Variants in THADA observed in about 807,000 individuals in gnomAD.
THADA encodes tRNA (32-2'-O)-methyltransferase regulator THADA.
Under a neutral mutation model 219.8 loss-of-function variants are expected in THADA, and 213 were observed. That is an observed-to-expected ratio of 0.97 (90% CI 0.87 to 1.09). The LOEUF (loss-of-function observed/expected upper bound fraction) is 1.09, where lower values mean the gene tolerates loss of function less well. Ranked by LOEUF, THADA falls within the 50% of genes least tolerant of loss-of-function variation. The probability of loss-of-function intolerance (pLI) is 0.00; values close to 1 mark genes in which losing one functional copy is unlikely to be tolerated. For synonymous variants in THADA, 1,018 were observed against 828.9 expected, an observed-to-expected ratio of 1.23 and a Z score of -3.92; for missense variants, 2,956 against 2,311.3, an observed-to-expected ratio of 1.28 and a Z score of -5.72.
chr2:43,592,134 T>C, intron 2 of THADA, 88 bp from the exon 3 acceptor site: 2 of 1,153,526 alleles, frequency 1.7e-6, no homozygotes, highest in Non-Finnish European at 2.4e-6. Flanking sequence ...ATTTTTTAAT[T>C]ATAAACCATA....
At chr2:43,291,827 A>T (rs1273604516) in intron 33 of THADA, 59 bp from the exon 34 acceptor site, 6 of 1,441,836 alleles carry the variant, frequency 4.2e-6, no homozygotes, top group Non-Finnish European at 5.7e-6. Flanking sequence ...TATTTCATAC[A>T]CCGGTTTTTG....
At chr2:43,484,116 T>C (rs1240129663) in intron 26 of THADA, among the ~76,000 whole-genome samples, 2 of 152,072 alleles carry the variant, frequency 1.3e-5, no homozygotes, top group African/African-American at 4.8e-5. Flanking sequence ...TAAAAAGCTC[T>C]CTGGTATTGC....
intron 26 of THADA, among the ~76,000 whole-genome samples, chr2:43,468,015 G>A (rs1345686445): frequency 6.6e-6 from 1 of 152,162 alleles, no homozygotes; most frequent in Non-Finnish European, 1.5e-5. Flanking sequence ...AAGGCCTAAA[G>A]CTTAATTGCA....
chr2:43,556,616 AG>A, intron 16 of THADA, 61 bp from the exon 17 acceptor site: 1 of 1,502,192 alleles, frequency 6.7e-7, no homozygotes, highest in African/African-American at 1.4e-5. Context: ...TTAAAAAAAT[AG>A]TAAATTTTTT....
chr2:43,586,743 G>GA lies in THADA; in HGVS notation c.452-10dup, dbSNP rs538392860. ...ATTAACACTTGCTCTACCTGTAGAG[G>GA]AAAAAATGAACACTGGTAAGGAGTT... On this transcript the variant is annotated splice_polypyrimidine_tract_variant and intron_variant, in intron 5 of 37. Coordinates refer to ENST00000405975, the MANE Select transcript of THADA (RefSeq NM_022065.5). The GA allele has an allele frequency of 5.0e-6, 8 of 1,611,648 alleles. No homozygotes were observed. In the South Asian group the frequency reaches 8.9e-5, roughly 18 times the overall value.
chr2:43,372,501 C>T (rs1670917385), intron 29 of THADA, among the ~76,000 whole-genome samples: 1 of 151,916 alleles, frequency 6.6e-6, no homozygotes, highest in Admixed American at 6.6e-5. Context: ...GGTGAAGTGG[C>T]CATTAAACTT....
intron 36 of THADA, among the ~76,000 whole-genome samples, chr2:43,252,376 A>G (rs1339967384): frequency 6.6e-6 from 1 of 152,246 alleles, no homozygotes; most frequent in Non-Finnish European, 1.5e-5. Flanking sequence ...GCGAACGTTT[A>G]GTGGGTACTT....
intron 28 of THADA, among the ~76,000 whole-genome samples, chr2:43,426,774 T>A (rs1678501794): frequency 6.6e-6 from 1 of 152,260 alleles, no homozygotes; most frequent in Admixed American, 6.5e-5. Context: ...TAAGAAATAC[T>A]CTCTTGAGTT....
chr2:43,252,461 CA>C (rs774663446), intron 36 of THADA, among the ~76,000 whole-genome samples: 11 of 152,250 alleles, frequency 7.2e-5, no homozygotes, highest in Admixed American at 1.3e-4. Flanking sequence ...TTATGAGCCC[CA>C]TTTTATAATG....
chr2:43,508,909 T>A, intron 22 of THADA, 129 bp from the exon 23 acceptor site: 2 of 840,068 alleles, frequency 2.4e-6, no homozygotes, highest in East Asian at 5.5e-5. Context: ...AACTAAAACA[T>A]GTCTCATACT....
intron 22 of THADA, 78 bp from the exon 23 acceptor site, chr2:43,508,858 T>TTA: frequency 7.3e-7 from 1 of 1,370,706 alleles, no homozygotes; most frequent in Non-Finnish European, 1.0e-6. Context: ...ACATTTACAC[T>TTA]GTTAGTAAAT....
chr2:43,528,304 T>C (rs1693434805), intron 21 of THADA, among the ~76,000 whole-genome samples: 1 of 152,092 alleles, frequency 6.6e-6, no homozygotes, highest in Admixed American at 6.6e-5. Context: ...CTAATTTTTG[T>C]ATTTTTAGTA....
intron 26 of THADA, among the ~76,000 whole-genome samples, chr2:43,459,414 C>T (rs1231499836): frequency 1.3e-5 from 2 of 152,128 alleles, no homozygotes; most frequent in East Asian, 1.9e-4. Flanking sequence ...TTCTTTCATA[C>T]ATTTGATTAA....
At chr2:43,445,282 A>G (rs576526086) in intron 26 of THADA, among the ~76,000 whole-genome samples, 25 of 152,352 alleles carry the variant, frequency 1.6e-4, no homozygotes, top group African/African-American at 5.8e-4. Flanking sequence ...AATAAAATAG[A>G]AACAACTAAT....
chr2:43,387,716 G>T (rs1223677811), intron 29 of THADA, among the ~76,000 whole-genome samples: 1 of 152,076 alleles, frequency 6.6e-6, no homozygotes, highest in Non-Finnish European at 1.5e-5. Flanking sequence ...TTTGGTTGTT[G>T]TTGTCACAAA....
intron 29 of THADA, among the ~76,000 whole-genome samples, chr2:43,351,029 G>A (rs931285741): frequency 1.3e-5 from 2 of 152,120 alleles, no homozygotes; most frequent in African/African-American, 4.8e-5. Context: ...TTCACTTTGG[G>A]CCTCAAATCC....
At chr2:43,453,044 G>A (rs904552287) in intron 26 of THADA, among the ~76,000 whole-genome samples, 1 of 152,036 alleles carries the variant, frequency 6.6e-6, no homozygotes, top group Non-Finnish European at 1.5e-5. Context: ...GTAAGTCTGT[G>A]AACACTCAGG....
rs531073946 is a variant in THADA at position 43,484,626 on chromosome 2, C to A, written c.3836+608G>T. On this transcript the variant is annotated intron_variant, in intron 26 of 37. Transcript: ENST00000405975. ...TGTGCATTTTTATCTAAAAACTACC[C>A]AAAATCAAAATGGTTCCACAGGTTT... Among the ~76,000 whole-genome samples the A allele has an allele frequency of 6.6e-5, 10 of 152,098 alleles. No homozygotes were observed. The East Asian group carries it at 1.9e-3, about 29-fold the overall frequency.
At chr2:43,332,854 T>C (rs1045097116) in intron 30 of THADA, among the ~76,000 whole-genome samples, 1 of 152,174 alleles carries the variant, frequency 6.6e-6, no homozygotes, top group Admixed American at 6.5e-5. Context: ...ATTTAAAAAG[T>C]AGAAAGCATC....
Sources: gnomAD v4.1 joint callset for allele counts (sites outside exome capture counted in the v4.1 genomes callset) on GRCh38, gnomAD v4.1.1 for gene constraint, MANE v1.5 for transcripts, NCBI Gene and HGNC (gene_info 2026-07-23, HGNC 2026-07-21) for gene names.